Variants in PPP1R9A observed in about 807,000 individuals in gnomAD.
The protein encoded by PPP1R9A is neurabin-1.
A neutral mutation model predicts 141.9 loss-of-function variants in PPP1R9A; 59 were observed. The observed-to-expected ratio is 0.42, with a 90% CI of 0.34 to 0.52. PPP1R9A has a LOEUF of 0.52. Among genes scored for constraint, PPP1R9A ranks in the 20% least tolerant of loss-of-function variants. The pLI, the probability that PPP1R9A is intolerant of heterozygous loss-of-function variation, is 0.10. For missense variants in PPP1R9A, 1,444 were observed against 1,611.9 expected (o/e 0.90, Z 1.78); for synonymous variants, 500 against 569.7 (o/e 0.88, Z 1.74).
chr7:95,176,787 T>C (rs1468551126), intron 5 of PPP1R9A, among the ~76,000 whole-genome samples: 1 of 152,056 alleles, frequency 6.6e-6, no homozygotes, highest in Non-Finnish European at 1.5e-5. Flanking sequence ...GAAGATAAGA[T>C]CTTCGAATTA....
At chr7:95,223,141 A>C (rs1227545598) in intron 7 of PPP1R9A, among the ~76,000 whole-genome samples, 8 of 152,040 alleles carry the variant, frequency 5.3e-5, no homozygotes, top group Non-Finnish European at 1.0e-4. Context: ...CAGGATGCTT[A>C]TAAGGCTAAT....
At chr7:95,226,147 A>G (rs1195617015) in intron 8 of PPP1R9A, 31 bp downstream of exon 8, 1 of 1,579,872 alleles carries the variant, frequency 6.3e-7, no homozygotes, top group Non-Finnish European at 8.7e-7. Context: ...ATATTTCTTT[A>G]TGCCTGTCCA....
intron 2 of PPP1R9A, among the ~76,000 whole-genome samples, chr7:94,938,205 G>T (rs896421984): frequency 1.3e-5 from 2 of 152,062 alleles, no homozygotes; most frequent in African/African-American, 4.8e-5. Flanking sequence ...ATTCTTAAAG[G>T]TGCATGAACC....
intron 12 of PPP1R9A, among the ~76,000 whole-genome samples, chr7:95,259,295 TTTTC>T (rs1038587701): frequency 2.6e-5 from 4 of 151,818 alleles, no homozygotes; most frequent in Admixed American, 2.0e-4. Context: ...GTCTTTTTTT[TTTTC>T]TTTCTTCATA....
chr7:95,129,419 T>C (rs1824173693), intron 4 of PPP1R9A, among the ~76,000 whole-genome samples: 1 of 152,202 alleles, frequency 6.6e-6, no homozygotes, highest in Non-Finnish European at 1.5e-5. Flanking sequence ...ACGTGAGGCC[T>C]CCCCACCCAC....
intron 2 of PPP1R9A, among the ~76,000 whole-genome samples, chr7:94,991,457 T>C (rs1173166337): frequency 6.6e-6 from 1 of 152,118 alleles, no homozygotes; most frequent in African/African-American, 2.4e-5. Flanking sequence ...TTTGAAAATA[T>C]TTTTTCTTAT....
chr7:95,255,610 G>A (rs749540220), intron 12 of PPP1R9A, among the ~76,000 whole-genome samples: 17 of 152,150 alleles, frequency 1.1e-4, no homozygotes, highest in Non-Finnish European at 2.1e-4. Flanking sequence ...CGATTATACT[G>A]CAAGGTATAT....
chr7:95,048,332 C>T (rs1810317249), intron 2 of PPP1R9A, among the ~76,000 whole-genome samples: 1 of 151,782 alleles, frequency 6.6e-6, no homozygotes, highest in South Asian at 2.1e-4. Context: ...TCAGATCATA[C>T]TTAGCCTCAA....
chr7:94,982,439 C>A (rs1800242469), intron 2 of PPP1R9A, among the ~76,000 whole-genome samples: 1 of 152,164 alleles, frequency 6.6e-6, no homozygotes, highest in Non-Finnish European at 1.5e-5. Flanking sequence ...ACAGTCCCAC[C>A]CACAATGTAA....
intron 10 of PPP1R9A, among the ~76,000 whole-genome samples, chr7:95,250,908 G>A (rs769372489): frequency 5.9e-5 from 9 of 151,822 alleles, no homozygotes; most frequent in Non-Finnish European, 1.2e-4. Context: ...GACTGACCAC[G>A]GAGATTTTTA....
chr7:95,199,037 G>A (rs1023502920), intron 6 of PPP1R9A, among the ~76,000 whole-genome samples: 2 of 152,138 alleles, frequency 1.3e-5, no homozygotes, highest in African/African-American at 4.8e-5. Context: ...CTTTCCACTA[G>A]CACATGTTCC....
chr7:95,044,900 C>T (rs946428707), intron 2 of PPP1R9A, among the ~76,000 whole-genome samples: 1 of 151,452 alleles, frequency 6.6e-6, no homozygotes, highest in Non-Finnish European at 1.5e-5. Flanking sequence ...CATAGTTTGA[C>T]CCAGTTTTTG....
chr7:95,269,642 T>A, intron 14 of PPP1R9A, 135 bp downstream of exon 14: 1 of 667,726 alleles, frequency 1.5e-6, no homozygotes, highest in Non-Finnish European at 2.2e-6. Context: ...TATTATAGAA[T>A]AAGAGAAACA....
chr7:95,191,027 T>A (rs902430726), intron 5 of PPP1R9A, among the ~76,000 whole-genome samples: 1 of 152,258 alleles, frequency 6.6e-6, no homozygotes, highest in Admixed American at 6.5e-5. Flanking sequence ...ATTCATAAAT[T>A]ATCATTTTTA....
At chr7:95,226,166 A>C (rs766019948) in intron 8 of PPP1R9A, 50 bp downstream of exon 8, 2 of 1,542,494 alleles carry the variant, frequency 1.3e-6, no homozygotes, top group African/African-American at 1.4e-5. Flanking sequence ...CATTTCATTA[A>C]GTATATATTT....
chr7:95,272,338 T>A (rs1350587065), intron 14 of PPP1R9A, among the ~76,000 whole-genome samples: 2 of 152,238 alleles, frequency 1.3e-5, no homozygotes, highest in Non-Finnish European at 2.9e-5. Flanking sequence ...AATTTAAATC[T>A]TGCTTTTAAA....
chr7:95,284,229 T>TG lies in PPP1R9A; in HGVS notation c.3510dup (p.Ile1171AspfsTer34). The TG allele has an allele frequency of 6.4e-7, 1 of 1,567,954 alleles. No homozygotes were observed. The highest frequency in any genetic ancestry group is 8.7e-7 in the Non-Finnish European group (1 of 1,151,270). ...AAAGGGGTCCAAGGTAGAAAACACA[T>TG]GGATTACAAAAGCAAACAAGAGAAA... On this transcript the variant is annotated frameshift_variant, in exon 17 of 20. Coordinates refer to ENST00000433360, the MANE Select transcript of PPP1R9A (RefSeq NM_001166160.2). LOFTEE classifies it high-confidence loss of function.
At chr7:94,996,159 A>G (rs1013300147) in intron 2 of PPP1R9A, among the ~76,000 whole-genome samples, 2 of 152,196 alleles carry the variant, frequency 1.3e-5, no homozygotes, top group Non-Finnish European at 2.9e-5. Context: ...AACTTATGCT[A>G]TACAAAAGTT....
At chr7:94,917,403 GTTAAT>G (rs1792215798) in intron 2 of PPP1R9A, among the ~76,000 whole-genome samples, 1 of 151,734 alleles carries the variant, frequency 6.6e-6, no homozygotes, top group African/African-American at 2.4e-5. Context: ...CTTGTTTTTT[GTTAAT>G]TTAATTAATT....
Sources: gnomAD v4.1 joint callset for allele counts (sites outside exome capture counted in the v4.1 genomes callset) on GRCh38, gnomAD v4.1.1 for gene constraint, MANE v1.5 for transcripts, NCBI Gene and HGNC (gene_info 2026-07-23, HGNC 2026-07-21) for gene names.